The following HDAC9 variants were observed in gnomAD, a reference collection of about 807,000 sequenced individuals.
HDAC9 encodes histone deacetylase 9, also known as MEF-2 interacting transcription repressor (MITR) protein.
HDAC9 carries 41 observed loss-of-function variants against 139.4 expected under a neutral mutation model. That is an observed-to-expected ratio of 0.29 (90% CI 0.23 to 0.38). The LOEUF (loss-of-function observed/expected upper bound fraction) is 0.38, where lower values mean the gene tolerates loss of function less well. Ranked by LOEUF, HDAC9 falls within the 10% of genes least tolerant of loss-of-function variation. The probability of loss-of-function intolerance (pLI) is 1.00; values close to 1 mark genes in which losing one functional copy is unlikely to be tolerated. For missense variants in HDAC9, 1,147 were observed against 1,297.0 expected (o/e 0.88, Z 1.78); for synonymous variants, 517 against 476.2 (o/e 1.09, Z -1.12).
chr7:18,481,696 C>T (rs909311571), intron 1 of HDAC9, among the ~76,000 whole-genome samples: 15 of 152,106 alleles, frequency 9.9e-5, no homozygotes, highest in African/African-American at 3.6e-4. Flanking sequence ...GCTTACTTTC[C>T]TATATAGTTA....
chr7:18,320,377 C>T (rs1270920745), intron 1 of HDAC9, among the ~76,000 whole-genome samples: 1 of 152,122 alleles, frequency 6.6e-6, no homozygotes, highest in Non-Finnish European at 1.5e-5. Context: ...ATAGTACAAG[C>T]TCTTATTTTT....
chr7:18,864,021 TA>T (rs1798303144), intron 21 of HDAC9, among the ~76,000 whole-genome samples: 1 of 152,210 alleles, frequency 6.6e-6, no homozygotes, highest in Non-Finnish European at 1.5e-5. Flanking sequence ...ATGGCATTTG[TA>T]TTATATGTTT....
intron 1 of HDAC9, among the ~76,000 whole-genome samples, chr7:18,477,084 T>C (rs1795168096): frequency 6.6e-6 from 1 of 152,218 alleles, no homozygotes; most frequent in South Asian, 2.1e-4. Context: ...AGGTGGGCAT[T>C]GACAATGTTC....
At chr7:18,820,956 T>G (rs2588634) in intron 17 of HDAC9, among the ~76,000 whole-genome samples, 1 of 152,038 alleles carries the variant, frequency 6.6e-6, no homozygotes, top group East Asian at 1.9e-4. Context: ...TAATGTATGA[T>G]AAGCAGAAAT....
intron 22 of HDAC9, among the ~76,000 whole-genome samples, chr7:18,932,471 A>T (rs1466753799): frequency 2.0e-5 from 3 of 152,158 alleles, no homozygotes; most frequent in Non-Finnish European, 4.4e-5. Context: ...AAGATAGAAA[A>T]AGGAGAGTAA....
chr7:18,642,425 G>A (rs758736457), intron 8 of HDAC9, among the ~76,000 whole-genome samples: 4 of 152,108 alleles, frequency 2.6e-5, no homozygotes, highest in Non-Finnish European at 4.4e-5. Flanking sequence ...TGTAGCAGCA[G>A]CTGTCAACAA....
chr7:18,580,412 G>T (rs1294767793), intron 2 of HDAC9, among the ~76,000 whole-genome samples: 6 of 152,146 alleles, frequency 3.9e-5, no homozygotes, highest in African/African-American at 1.4e-4. Flanking sequence ...TAATATTTAT[G>T]TGGAAAAGTT....
chr7:18,521,399 G>A (rs1350329882), intron 2 of HDAC9, among the ~76,000 whole-genome samples: 1 of 152,142 alleles, frequency 6.6e-6, no homozygotes, highest in East Asian at 1.9e-4. Flanking sequence ...TCCCAAGGGA[G>A]ATATCTCACT....
At chr7:18,174,097 A>G (rs947984287) in intron 2 of HDAC9, among the ~76,000 whole-genome samples, 2 of 152,052 alleles carry the variant, frequency 1.3e-5, no homozygotes, top group Non-Finnish European at 2.9e-5. Context: ...TCAGATGTAG[A>G]TTTGGTCTTT....
intron 1 of HDAC9, among the ~76,000 whole-genome samples, chr7:18,442,017 G>A (rs773498455): frequency 1.3e-5 from 2 of 152,146 alleles, no homozygotes; most frequent in Admixed American, 6.5e-5. Flanking sequence ...TGATCTGCCC[G>A]CCTCAGCCTC....
At chr7:18,895,790 A>G (rs1801140666) in intron 22 of HDAC9, among the ~76,000 whole-genome samples, 1 of 152,030 alleles carries the variant, frequency 6.6e-6, no homozygotes, top group Admixed American at 6.6e-5. Flanking sequence ...ATTTGATCTG[A>G]GGCTTTAAGC....
chr7:18,293,908 T>C (rs914304997), intron 1 of HDAC9, among the ~76,000 whole-genome samples: 2 of 152,142 alleles, frequency 1.3e-5, no homozygotes, highest in Non-Finnish European at 2.9e-5. Context: ...TAAAAATCAA[T>C]AAACATTAGT....
intron 23 of HDAC9, chr7:18,949,905 G>C (rs558306948): frequency 1.3e-5 from 2 of 151,906 alleles, no homozygotes; most frequent in South Asian, 4.2e-4. Context: ...TATATATATA[G>C]TGTAAATATA....
intron 2 of HDAC9, among the ~76,000 whole-genome samples, chr7:18,202,659 G>A (rs1791218085): frequency 6.6e-6 from 1 of 152,208 alleles, no homozygotes; most frequent in Non-Finnish European, 1.5e-5. Context: ...CATACTTGGA[G>A]TTGAAATCAT....
rs550061472 is a variant in HDAC9 at position 18,999,185 on chromosome 7, T to C, written c.*3123T>C. 3.3e-5 allele frequency: 5 copies of C among 152,308 alleles called. No individual in the cohort carries two copies. Among genetic ancestry groups the C allele is most frequent in the South Asian group, 4.1e-4 (2 of 4,830 alleles). The allele number at this position is 152,308 out of a possible 1,614,324, so 9.4% of individuals were successfully genotyped here. A position where few individuals can be genotyped will look rare whatever the true frequency, so the allele number is the denominator to read the frequency against. On this transcript the variant is annotated 3_prime_UTR_variant, in exon 26 of 26. Transcript: ENST00000686413. ...ATTACCAATCCTGGGGATGGAAATA[T>C]TGCCTTCAGTTTTTACTCCAGCCCT...
At chr7:18,688,450 A>G (rs1007900865) in intron 12 of HDAC9, among the ~76,000 whole-genome samples, 1 of 151,906 alleles carries the variant, frequency 6.6e-6, no homozygotes, top group African/African-American at 2.4e-5. Flanking sequence ...ACATTTTCCA[A>G]CCAATTATTT....
intron 2 of HDAC9, among the ~76,000 whole-genome samples, chr7:18,530,287 C>A (rs902820553): frequency 6.6e-6 from 1 of 151,986 alleles, no homozygotes; most frequent in Admixed American, 6.6e-5. Flanking sequence ...AAGAATGGAA[C>A]AATTATAAAA....
At chr7:18,850,820 G>T (rs547071335) in intron 21 of HDAC9, among the ~76,000 whole-genome samples, 1 of 152,122 alleles carries the variant, frequency 6.6e-6, no homozygotes, top group Non-Finnish European at 1.5e-5. Flanking sequence ...GTCTGTTGAG[G>T]GCTGCTTTCT....
chr7:18,437,911 A>C (rs1791360328), intron 1 of HDAC9, among the ~76,000 whole-genome samples: 1 of 151,286 alleles, frequency 6.6e-6, no homozygotes, highest in African/African-American at 2.4e-5. Flanking sequence ...ACACACATGC[A>C]CCACACACAC....
Sources: allele counts gnomAD v4.1 joint callset (sites outside exome capture counted in the v4.1 genomes callset), GRCh38; gene constraint gnomAD v4.1.1; transcripts MANE v1.5; gene names NCBI Gene and HGNC (gene_info 2026-07-23, HGNC 2026-07-21).